The following NEK9 variants were observed in gnomAD, a reference collection of about 807,000 sequenced individuals.
NEK9 encodes serine/threonine-protein kinase Nek9.
NEK9 carries 75 observed loss-of-function variants against 123.4 expected under a neutral mutation model. That is an observed-to-expected ratio of 0.61 (90% CI 0.50 to 0.74). The LOEUF (loss-of-function observed/expected upper bound fraction) is 0.74, where lower values mean the gene tolerates loss of function less well. Among genes scored for constraint, NEK9 ranks in the 30% least tolerant of loss-of-function variants. NEK9 has a pLI of 0.00. For missense variants in NEK9, 952 were observed against 1,214.4 expected, an observed-to-expected ratio of 0.78 and a Z score of 3.21; for synonymous variants, 438 against 458.7, an observed-to-expected ratio of 0.95 and a Z score of 0.58.
chr14:75,095,478 A>G (rs1413252133), intron 17 of NEK9, 47 bp from the exon 18 acceptor site: 1 of 1,289,732 alleles, frequency 7.8e-7, no homozygotes, highest in Non-Finnish European at 1.1e-6. Context: ...TGATATAGGC[A>G]AGAAAAATGA....
Position 75,082,971 on chromosome 14 carries a change from T to A in NEK9, c.*1593A>T. On this transcript the variant is annotated 3_prime_UTR_variant, in exon 22 of 22. Coordinates refer to ENST00000238616, the MANE Select transcript of NEK9 (RefSeq NM_033116.6). ...AGGCTTCCCAGAACTGAGAAAACAATGGGAACATCAAACCAAAGAAGATCC... is the reference window on the plus strand; with the variant it reads ...AGGCTTCCCAGAACTGAGAAAACAAAGGGAACATCAAACCAAAGAAGATCC... 1 of 398,606 alleles carries A rather than the reference T, an allele frequency of 2.5e-6. No individual in the cohort carries two copies. Among genetic ancestry groups the A allele is most frequent in the Non-Finnish European group, 4.4e-6 (1 of 226,046 alleles). The allele number at this position is 398,606 out of a possible 1,614,324, so 24.7% of individuals were successfully genotyped here. A position where few individuals can be genotyped will look rare whatever the true frequency, so the allele number is the denominator to read the frequency against.
rs578001129 is a variant in NEK9, at chr14:75,083,175, G to A, written c.*1389C>T. The A allele has an allele frequency of 3.8e-5, 15 of 398,416 alleles. 1 individual carries two copies. In the South Asian group the frequency reaches 1.6e-3, roughly 41 times the overall value. 24.7% of individuals were successfully genotyped at this position (398,416 alleles called of 1,614,324 possible). A position where few individuals can be genotyped will look rare whatever the true frequency, so the allele number is the denominator to read the frequency against. The stretch of plus-strand genomic sequence containing the variant: ...ACAAAATTAATTTAGCTGTTTATAG[G>A]AAGGTGGGATGTGAGACTCATCAAA... On this transcript the variant is annotated 3_prime_UTR_variant, in exon 22 of 22. Transcript: ENST00000238616.
Position 75,083,556 on chromosome 14 carries a change from A to G in NEK9, c.*1008T>C, listed in dbSNP as rs183922071. On this transcript the variant is annotated 3_prime_UTR_variant, in exon 22 of 22. Transcript: ENST00000238616. ...TTCATAAAACACCAAAAGGGGAAAA[A>G]TACTGACTAGACATTCAGAAAGAAA... is the stretch of plus-strand genomic sequence containing the variant. The G allele has an allele frequency of 4.9e-4, 75 of 153,132 alleles. 1 individual carries two copies. Among genetic ancestry groups the G allele is most frequent in the Middle Eastern group, 3.4e-3 (1 of 296 alleles). The allele number at this position is 153,132 out of a possible 1,614,324, so 9.5% of individuals were successfully genotyped here.
At chr14:75,100,155 A>G (rs1246139333) in intron 16 of NEK9, among the ~76,000 whole-genome samples, 1 of 144,498 alleles carries the variant, frequency 6.9e-6, no homozygotes, top group African/African-American at 2.6e-5. Context: ...AAAAAAAAAA[A>G]AAAAAAAAAG....
chr14:75,101,618 A>G (rs780831167), intron 15 of NEK9, 39 bp downstream of exon 15: 1 of 1,383,308 alleles, frequency 7.2e-7, no homozygotes, highest in East Asian at 2.3e-5. Flanking sequence ...AAAGAGGCTC[A>G]GCTACTAAGG....
At chr14:75,089,989 G>T (rs1216392014) in intron 19 of NEK9, among the ~76,000 whole-genome samples, 1 of 152,072 alleles carries the variant, frequency 6.6e-6, no homozygotes, top group Non-Finnish European at 1.5e-5. Context: ...GAGCCACCTT[G>T]CCCGGCTAAT....
chr14:75,095,155 G>A (rs568506920), intron 18 of NEK9, among the ~76,000 whole-genome samples: 5 of 152,300 alleles, frequency 3.3e-5, no homozygotes, highest in South Asian at 2.1e-4. Flanking sequence ...TTGCATATGC[G>A]TTGGAGGCAA....
chr14:75,126,551 G>A (rs1260618939), intron 1 of NEK9, 152 bp downstream of exon 1: 2 of 464,214 alleles, frequency 4.3e-6, no homozygotes, highest in Admixed American at 4.4e-5. Flanking sequence ...TCTAGTGCCG[G>A]TGAGTGGGAA....
intron 13 of NEK9, among the ~76,000 whole-genome samples, 170 bp from the exon 14 acceptor site, chr14:75,104,167 CTTTTT>C (rs57333930): frequency 7.0e-6 from 1 of 143,106 alleles, no homozygotes; most frequent in African/African-American, 2.6e-5. Flanking sequence ...ACTACTTTTT[CTTTTT>C]TTTTTTTTTT....
intron 5 of NEK9, 65 bp downstream of exon 5, chr14:75,118,765 G>A (rs1895222915): frequency 1.1e-6 from 1 of 897,398 alleles, no homozygotes; most frequent in East Asian, 2.4e-5. Flanking sequence ...CAAGATTTAG[G>A]GAGTACAGTT....
At chr14:75,095,546 A>C in intron 17 of NEK9, 115 bp from the exon 18 acceptor site, 1 of 600,202 alleles carries the variant, frequency 1.7e-6, no homozygotes, top group Non-Finnish European at 2.9e-6. Context: ...CTTTAGAACT[A>C]TAACTTACAG....
chr14:75,098,060 T>C (rs959963644), intron 16 of NEK9, among the ~76,000 whole-genome samples: 1 of 152,188 alleles, frequency 6.6e-6, no homozygotes, highest in Non-Finnish European at 1.5e-5. Context: ...AGAATCCCTC[T>C]GTCTACTGAG....
Position 75,120,155 on chromosome 14 carries a change from T to A in NEK9, c.524+355A>T, listed in dbSNP as rs147929780. On this transcript the variant is annotated intron_variant, in intron 4 of 21. Transcript: ENST00000238616. ...TTTTATTTAAATTAAAAGATCTTAA[T>A]TATAGAATTAAAAAGAATTGCCAAT... 1.5e-3 allele frequency among the ~76,000 whole-genome samples: 222 copies of A among 152,330 alleles called. 2 individuals carry two copies. Among genetic ancestry groups the A allele is most frequent in the African/African-American group, 5.1e-3 (212 of 41,566 alleles).
intron 18 of NEK9, among the ~76,000 whole-genome samples, chr14:75,091,979 A>C (rs1050514210): frequency 1.3e-5 from 2 of 151,738 alleles, no homozygotes; most frequent in Non-Finnish European, 2.9e-5. Flanking sequence ...GAATTCTTCA[A>C]CTTTTTTTTT....
chr14:75,126,893 T>C lies in NEK9; in HGVS notation c.29A>G (p.His10Arg). 12 of 1,520,724 alleles carry C rather than the reference T, an allele frequency of 7.9e-6. No homozygotes were observed. Among genetic ancestry groups the C allele is most frequent in the Non-Finnish European group, 1.1e-5 (12 of 1,133,088 alleles). 94.2% of individuals were successfully genotyped at this position (1,520,724 alleles called of 1,614,324 possible). Residue 10 changes from histidine to arginine, a missense_variant, in exon 1 of 22, where the codon CAC (histidine) becomes CGC (arginine). This residue lies in a region of NEK9 where 120 missense variants were observed against 97.6 expected (regional missense o/e 1.23). Transcript: ENST00000238616. MSVLGEYER[H>R]CDSINSDFGS... ...AAAGTCCGAGTTGATGGAATCGCAG[T>C]GTCGCTCGTACTCGCCCAGCACCGA...
intron 18 of NEK9, among the ~76,000 whole-genome samples, chr14:75,094,306 G>A (rs1894311297): frequency 6.6e-6 from 1 of 152,144 alleles, no homozygotes; most frequent in Non-Finnish European, 1.5e-5. Flanking sequence ...TCGAGATAGG[G>A]TCTTGCTATG....
chr14:75,122,654 G>A (rs1303830860), intron 2 of NEK9, among the ~76,000 whole-genome samples: 1 of 151,190 alleles, frequency 6.6e-6, no homozygotes, highest in African/African-American at 2.4e-5. Flanking sequence ...ACAGGCACGC[G>A]CCACCATGCA....
In NEK9 at chr14:75,083,069, A is replaced by G. The variant is rs1893914735; in HGVS notation, c.*1495T>C. On this transcript the variant is annotated 3_prime_UTR_variant, in exon 22 of 22. Transcript: ENST00000238616. ...TCAGCCTTTATGCCACCAGTTTTGG[A>G]GAAATGGCAAAATTTCCATTGCACA... The G allele has an allele frequency of 2.5e-6, 1 of 398,632 alleles. No homozygotes were observed. The highest frequency in any genetic ancestry group is 4.4e-6 in the Non-Finnish European group (1 of 226,062). 24.7% of individuals were successfully genotyped at this position (398,632 alleles called of 1,614,324 possible). A position where few individuals can be genotyped will look rare whatever the true frequency, so the allele number is the denominator to read the frequency against.
In NEK9 at chr14:75,126,729, C is replaced by T; in HGVS notation, c.193G>A (p.Glu65Lys). 8 of 1,483,224 alleles carry T rather than the reference C, an allele frequency of 5.4e-6. No homozygotes were observed. The highest frequency in any genetic ancestry group is 7.2e-6 in the Non-Finnish European group (8 of 1,117,532). 91.9% of individuals were successfully genotyped at this position (1,483,224 alleles called of 1,614,324 possible). A position where few individuals can be genotyped will look rare whatever the true frequency, so the allele number is the denominator to read the frequency against. The part of the protein sequence containing the change: ...IRVLGRGAFG[E>K]ATLYRRTEDD... Reference sequence around the variant, plus strand: ...TCGGTGCGGCGGTACAGCGTGGCTTCCCCGAAGGCGCCGCGGCCCAGGACG... The same window carrying T: ...TCGGTGCGGCGGTACAGCGTGGCTTTCCCGAAGGCGCCGCGGCCCAGGACG... Residue 65 changes from glutamate to lysine, a missense_variant, in exon 1 of 22, where the codon GAA becomes AAA. Glu to Lys is a moderately conservative substitution (Grantham distance 56, BLOSUM62 1). Coordinates refer to ENST00000238616, the MANE Select transcript of NEK9 (RefSeq NM_033116.6).
Sources: gnomAD v4.1 joint callset for allele counts (sites outside exome capture counted in the v4.1 genomes callset) on GRCh38, gnomAD v4.1.1 for gene constraint, gnomAD v4.1.1 regional missense constraint, MANE v1.5 for transcripts, NCBI Gene and HGNC (gene_info 2026-07-23, HGNC 2026-07-21) for gene names.